SIMC1: variants seen among roughly 807,000 people sequenced by gnomAD.
SIMC1 encodes the protein SUMO interacting motifs containing 1, also known as SUMO-interacting motif-containing protein 1.
Under a neutral mutation model 82.3 loss-of-function variants are expected in SIMC1, and 55 were observed. That is an observed-to-expected ratio of 0.67 (90% CI 0.54 to 0.84). The LOEUF (loss-of-function observed/expected upper bound fraction) is 0.84. Among genes scored for constraint, SIMC1 ranks in the 40% least tolerant of loss-of-function variants. The probability of loss-of-function intolerance (pLI) is 0.00; values close to 1 mark genes in which losing one functional copy is unlikely to be tolerated. For missense variants in SIMC1, 915 were observed against 1,107.2 expected, an observed-to-expected ratio of 0.83 and a Z score of 2.46; for synonymous variants, 353 against 426.3, an observed-to-expected ratio of 0.83 and a Z score of 2.12.
At chr5:176,265,845 T>G (rs1257291033) in intron 1 of SIMC1, among the ~76,000 whole-genome samples, 6 of 151,658 alleles carry the variant, frequency 4.0e-5, no homozygotes, top group Non-Finnish European at 7.4e-5. Context: ...TTAAATTTAT[T>G]TATTAATCGT....
chr5:176,313,144 C>G (rs996648280), intron 4 of SIMC1: 4 of 406,458 alleles, frequency 9.8e-6, no homozygotes, highest in African/African-American at 8.3e-5. Flanking sequence ...TTGAGCCAAG[C>G]CAACAGACTT....
At chr5:176,289,424 A>T (rs544626535) in intron 1 of SIMC1, among the ~76,000 whole-genome samples, 20 of 152,280 alleles carry the variant, frequency 1.3e-4, no homozygotes, top group Non-Finnish European at 2.5e-4. Flanking sequence ...AGAAAAAAAA[A>T]AAATCCCACT....
chr5:176,330,513 A>C (rs980996151), intron 7 of SIMC1, among the ~76,000 whole-genome samples: 3 of 152,176 alleles, frequency 2.0e-5, no homozygotes, highest in Middle Eastern at 3.2e-3. Context: ...AAGTAAGGAA[A>C]TATTCAAAGA....
chr5:176,330,897 A>G (rs1765626646), intron 7 of SIMC1, among the ~76,000 whole-genome samples: 1 of 152,224 alleles, frequency 6.6e-6, no homozygotes, highest in South Asian at 2.1e-4. Flanking sequence ...CAACTTTACA[A>G]TGGAGACACT....
rs751507525 is a variant in SIMC1, at chr5:176,313,813, G to A, written c.1857G>A (p.Val619=). Reference sequence around the variant, plus strand: ...TGCAGCAATCCATTGCAAACATGGTGCTTTCCTGTGACAAGCAGCCCCACA... The same window carrying A: ...TGCAGCAATCCATTGCAAACATGGTACTTTCCTGTGACAAGCAGCCCCACA... ...QHLQQSIANM[V]LSCDKQPHNV... Residue 619 remains valine (V), a synonymous_variant, in exon 5 of 10, where the codon GTG becomes GTA. Coordinates refer to ENST00000429602, the MANE Select transcript of SIMC1 (RefSeq NM_001308195.2). 4 of 1,613,816 alleles carry A rather than the reference G, an allele frequency of 2.5e-6. No individual in the cohort carries two copies. The highest frequency in any genetic ancestry group is 3.4e-6 in the Non-Finnish European group (4 of 1,179,884).
At chr5:176,249,179 A>G (rs142141152) in intron 1 of SIMC1, among the ~76,000 whole-genome samples, 53,539 of 149,710 alleles carry the variant, frequency 0.36, 11,070 homozygotes, top group East Asian at 0.5. Context: ...AAGGAATGGT[A>G]CCAGCTCCTC....
chr5:176,272,899 C>T (rs1035099697), intron 1 of SIMC1, among the ~76,000 whole-genome samples: 2 of 152,182 alleles, frequency 1.3e-5, no homozygotes, highest in Non-Finnish European at 2.9e-5. Context: ...GGGTGCCTGC[C>T]ATTGCTGAGG....
chr5:176,257,709 C>T (rs1004002988), intron 1 of SIMC1, among the ~76,000 whole-genome samples: 7 of 152,030 alleles, frequency 4.6e-5, no homozygotes, highest in African/African-American at 1.7e-4. Context: ...TACTATTTTT[C>T]CCCCCAAAAA....
chr5:176,334,430 A>G (rs2113403309), intron 7 of SIMC1, among the ~76,000 whole-genome samples: 1 of 152,256 alleles, frequency 6.6e-6, no homozygotes, highest in East Asian at 1.9e-4. Flanking sequence ...TCTCAACTGA[A>G]TGTCCAGGAT....
chr5:176,309,303 G>A (rs548568142), intron 4 of SIMC1, among the ~76,000 whole-genome samples: 2 of 152,304 alleles, frequency 1.3e-5, no homozygotes, highest in Admixed American at 1.3e-4. Flanking sequence ...TTATGCTGGA[G>A]CAATTAGACA....
Position 176,290,210 on chromosome 5 carries a change from C to A in SIMC1, c.686C>A (p.Pro229Gln). The A allele has an allele frequency of 1.9e-6, 3 of 1,613,110 alleles. No homozygotes were observed. The highest frequency in any genetic ancestry group is 1.7e-6 in the Non-Finnish European group (2 of 1,179,444). The change falls in exon 2 of 10, where the codon CCA becomes CAA. Residue 229 changes from proline (P) to glutamine (Q), a missense_variant. Transcript: ENST00000429602. The stretch of plus-strand genomic sequence containing the variant: ...TGCCCCCTGCGACCTTTGCCATGCC[C>A]ACCGAGAGCCTCACCATGTCCACCA... ...LPCPLRPLPC[P>Q]PRASPCPPRA... is the part of the protein sequence containing the mutation.
rs1194666989 is a variant in SIMC1 at position 176,284,660 on chromosome 5, G to T, written c.130-4994G>T. On this transcript the variant is annotated intron_variant, in intron 1 of 9. Transcript: ENST00000429602. ...ACATTCAAAAGCTAGCCAGCGGAAG[G>T]CAAGAAATAACTAAGATCAGAGCAG... 2.0e-5 allele frequency among the ~76,000 whole-genome samples: 3 copies of T among 152,198 alleles called. No individual in the cohort carries two copies. In the East Asian group the frequency reaches 5.8e-4, roughly 29 times the overall value.
chr5:176,326,534 T>G (rs1235042033), intron 7 of SIMC1, among the ~76,000 whole-genome samples: 1 of 151,816 alleles, frequency 6.6e-6, no homozygotes, highest in Non-Finnish European at 1.5e-5. Flanking sequence ...CACCCAACCT[T>G]ATTTATTTTT....
intron 1 of SIMC1, among the ~76,000 whole-genome samples, chr5:176,280,910 T>C (rs1191941509): frequency 1.3e-5 from 2 of 152,158 alleles, no homozygotes; most frequent in Non-Finnish European, 2.9e-5. Context: ...TTATGTGTCT[T>C]GGAATTGCTC....
intron 9 of SIMC1, among the ~76,000 whole-genome samples, chr5:176,338,354 G>A (rs886622140): frequency 6.6e-6 from 1 of 152,104 alleles, no homozygotes; most frequent in Non-Finnish European, 1.5e-5. Context: ...ATGGGGAGAC[G>A]AGAGTTTTCC....
At chr5:176,260,088 A>G (rs7726699) in intron 1 of SIMC1, among the ~76,000 whole-genome samples, 21,314 of 151,758 alleles carry the variant, frequency 0.14, 1,519 homozygotes, top group Middle Eastern at 0.2. Flanking sequence ...CATTCAGACC[A>G]TTATTCATTT....
rs1764765129 is a variant in SIMC1, at chr5:176,313,564, CTT to C, written c.1735-124_1735-123del. The C allele has an allele frequency of 3.9e-6, 6 of 1,554,210 alleles. 1 individual carries two copies. The highest frequency in any genetic ancestry group is 3.4e-4 in the Middle Eastern group (2 of 5,872). On this transcript the variant is annotated intron_variant, in intron 4 of 9. Coordinates refer to ENST00000429602, the MANE Select transcript of SIMC1 (RefSeq NM_001308195.2). ...TACCTGCCCTCTCCTAGGAGCCTCT[CTT>C]TTAAGCACAGGCATACTTGTTGATG...
rs1278494864 is a variant in SIMC1, at chr5:176,238,694, C to T, written c.129+57C>T. The T allele has an allele frequency of 4.5e-5, 50 of 1,117,612 alleles. No individual in the cohort carries two copies. The East Asian group carries it at 1.7e-3, about 38-fold the overall frequency. 69.2% of individuals were successfully genotyped at this position (1,117,612 alleles called of 1,614,324 possible). A position where few individuals can be genotyped will look rare whatever the true frequency, so the allele number is the denominator to read the frequency against. ...CGTCTTCGCGACCCTCGGCTGGGCC[C>T]GCCGCCCGCTTCCCGCCCCTGGCGC... On this transcript the variant is annotated intron_variant, in intron 1 of 9. Coordinates refer to ENST00000429602, the MANE Select transcript of SIMC1 (RefSeq NM_001308195.2).
chr5:176,288,960 TTTAC>T (rs958526926), intron 1 of SIMC1, among the ~76,000 whole-genome samples: 2 of 152,134 alleles, frequency 1.3e-5, no homozygotes, highest in African/African-American at 4.8e-5. Context: ...TTTTCATTAA[TTTAC>T]TTACTTAGGG....
Sources: allele counts gnomAD v4.1 joint callset (sites outside exome capture counted in the v4.1 genomes callset), GRCh38; gene constraint gnomAD v4.1.1; transcripts MANE v1.5; gene names NCBI Gene and HGNC (gene_info 2026-07-23, HGNC 2026-07-21).